Variants in SEMA5B observed in about 807,000 individuals in gnomAD.
The protein encoded by SEMA5B is semaphorin 5B.
A neutral mutation model predicts 135.0 loss-of-function variants in SEMA5B; 66 were observed. That is an observed-to-expected ratio of 0.49 (90% confidence interval 0.40 to 0.60). The LOEUF is 0.60. Ranked by LOEUF, SEMA5B falls within the 20% of genes least tolerant of loss-of-function variation. The pLI is 0.00. For missense variants in SEMA5B, 1,501 were observed against 1,566.3 expected (o/e 0.96, Z 0.70); for synonymous variants, 690 against 639.5 (o/e 1.08, Z -1.19).
chr3:123,001,481 T>C (rs1942174030), intron 1 of SEMA5B, among the ~76,000 whole-genome samples: 1 of 152,132 alleles, frequency 6.6e-6, no homozygotes, highest in Non-Finnish European at 1.5e-5. Context: ...TTAAACCTTT[T>C]TCCCTTCATA....
chr3:122,994,799 C>T (rs1360553667), intron 1 of SEMA5B, among the ~76,000 whole-genome samples: 3 of 152,208 alleles, frequency 2.0e-5, no homozygotes, highest in Non-Finnish European at 4.4e-5. Flanking sequence ...ATATTAATAT[C>T]TACTTCATAG....
chr3:123,013,753 A>G (rs1485776988), intron 1 of SEMA5B, among the ~76,000 whole-genome samples: 2 of 152,158 alleles, frequency 1.3e-5, no homozygotes, highest in African/African-American at 4.8e-5. Flanking sequence ...CACACACCCC[A>G]TCTTCACTTA....
chr3:122,923,723 G>T lies in SEMA5B; in HGVS notation c.1166C>A (p.Ala389Asp). The T allele has an allele frequency of 6.2e-7, 1 of 1,614,132 alleles. No individual in the cohort carries two copies. ...CTGGGAGATAGCACTGAGGTTGAAG[G>T]CGCAGACAGCAGAAGCCGCGATGCT... is the stretch of plus-strand genomic sequence containing the variant. Reference protein sequence around the residue: ...VNSIAASAVCAFNLSAISQAF... With the variant: ...VNSIAASAVCDFNLSAISQAF... Residue 389 changes from alanine to aspartate, a missense_variant, in exon 10 of 23, where the codon GCC becomes GAC. Transcript: ENST00000357599.
intron 2 of SEMA5B, among the ~76,000 whole-genome samples, chr3:122,958,911 A>T (rs558664986): frequency 6.6e-6 from 1 of 152,130 alleles, no homozygotes; most frequent in Non-Finnish European, 1.5e-5. Flanking sequence ...CATGTGTGTC[A>T]TGAGTGTTCC....
intron 8 of SEMA5B, among the ~76,000 whole-genome samples, chr3:122,927,344 G>T (rs111756168): frequency 1.4e-4 from 22 of 151,978 alleles, no homozygotes; most frequent in African/African-American, 4.6e-4. Flanking sequence ...GCATCACCAC[G>T]CCTGGCTGAT....
intron 2 of SEMA5B, among the ~76,000 whole-genome samples, chr3:122,958,835 C>T (rs141222216): frequency 0.011 from 1,607 of 152,304 alleles, 14 homozygotes; most frequent in Middle Eastern, 0.017. Context: ...TCCCCTGCCT[C>T]TGCTTTCTGC....
intron 14 of SEMA5B, among the ~76,000 whole-genome samples, chr3:122,915,127 C>T (rs923514799): frequency 2.6e-5 from 4 of 152,190 alleles, no homozygotes; most frequent in Admixed American, 2.6e-4. Flanking sequence ...TGCCATCATC[C>T]CATGCTGTTC....
At chr3:122,981,763 G>A (rs976545333) in intron 1 of SEMA5B, among the ~76,000 whole-genome samples, 14 of 152,218 alleles carry the variant, frequency 9.2e-5, no homozygotes, top group Non-Finnish European at 1.3e-4. Flanking sequence ...CTCAGAGGAG[G>A]TGGCACTTGA....
chr3:123,014,827 C>T (rs1159709042), intron 1 of SEMA5B, among the ~76,000 whole-genome samples: 1 of 152,128 alleles, frequency 6.6e-6, no homozygotes, highest in Non-Finnish European at 1.5e-5. Context: ...ACCGTGTCCC[C>T]CCACAAAGCT....
intron 22 of SEMA5B, among the ~76,000 whole-genome samples, 160 bp downstream of exon 22, chr3:122,910,680 G>T (rs1206229221): frequency 3.3e-5 from 5 of 151,288 alleles, no homozygotes; most frequent in Admixed American, 6.6e-5. Flanking sequence ...CGTAGTGGCG[G>T]GCGCCTGTAG....
At chr3:122,923,261 T>A (rs1336150778) in intron 10 of SEMA5B, among the ~76,000 whole-genome samples, 2 of 152,214 alleles carry the variant, frequency 1.3e-5, no homozygotes, top group Admixed American at 6.5e-5. Context: ...TTGAACACAC[T>A]GCGAGAAAGC....
intron 2 of SEMA5B, among the ~76,000 whole-genome samples, chr3:122,959,697 A>AGCAT (rs950227879): frequency 2.6e-5 from 4 of 152,202 alleles, no homozygotes; most frequent in African/African-American, 9.7e-5. Flanking sequence ...ATGCACAGAG[A>AGCAT]GCATGCAGCC....
chr3:122,999,407 T>G (rs1942113417), intron 1 of SEMA5B, among the ~76,000 whole-genome samples: 1 of 152,058 alleles, frequency 6.6e-6, no homozygotes, highest in South Asian at 2.1e-4. Flanking sequence ...GTATTTTTAG[T>G]AGAGATGGGG....
rs201574100 is a variant in SEMA5B, at chr3:123,007,825, T to TTTATAA, written c.-39+19638_-39+19639insTTATAA. Among the ~76,000 whole-genome samples, 3 of 152,210 alleles carry TTTATAA rather than the reference T, an allele frequency of 2.0e-5. No homozygotes were observed. In the East Asian group the frequency reaches 5.8e-4, roughly 29 times the overall value. ...ATAAGTTACCCAGTTTCATGTATTC[T>TTTATAA]GTTACAAGCAACAGAAAATGAACTA... On this transcript the variant is annotated intron_variant, in intron 1 of 22. Transcript: ENST00000357599.
chr3:123,011,558 G>A (rs918249242), intron 1 of SEMA5B, among the ~76,000 whole-genome samples: 2 of 152,242 alleles, frequency 1.3e-5, no homozygotes, highest in African/African-American at 4.8e-5. Flanking sequence ...CAGGACAGCA[G>A]ACTCTGCCCC....
intron 1 of SEMA5B, among the ~76,000 whole-genome samples, chr3:123,013,031 G>T (rs1334220305): frequency 6.6e-6 from 1 of 152,182 alleles, no homozygotes; most frequent in South Asian, 2.1e-4. Flanking sequence ...TTCAGTGCAG[G>T]GTCCTGCATA....
At position 123,024,244 on chromosome 3, in the gene SEMA5B, T is replaced by G. The variant is rs138166302; in HGVS notation, c.-39+3220A>C. On this transcript the variant is annotated intron_variant, in intron 1 of 22. Transcript: ENST00000357599. Reference sequence around the variant, plus strand: ...ATAATTGGACCCAATAGCATCATCTTCCTAAATACACATACTCCATCCATA... The same window carrying G: ...ATAATTGGACCCAATAGCATCATCTGCCTAAATACACATACTCCATCCATA... Among the ~76,000 whole-genome samples the G allele has an allele frequency of 7.9e-5, 12 of 152,314 alleles. No homozygotes were observed. In the East Asian group the frequency reaches 2.3e-3, roughly 29 times the overall value.
chr3:122,928,030 C>CT, intron 7 of SEMA5B, 27 bp from the exon 8 acceptor site: 2 of 1,433,254 alleles, frequency 1.4e-6, no homozygotes, highest in South Asian at 3.2e-5. Context: ...GAAGGGGACA[C>CT]TTTTCCCTGA....
chr3:122,910,749 G>A, intron 22 of SEMA5B, 91 bp downstream of exon 22: 2 of 1,042,606 alleles, frequency 1.9e-6, no homozygotes, highest in Non-Finnish European at 2.7e-6. Flanking sequence ...GGCAGAGCTT[G>A]CAATGAGCCG....
Sources: gnomAD v4.1 joint callset for allele counts (sites outside exome capture counted in the v4.1 genomes callset) on GRCh38, gnomAD v4.1.1 for gene constraint, MANE v1.5 for transcripts, NCBI Gene and HGNC (gene_info 2026-07-23, HGNC 2026-07-21) for gene names.